Variants in ABCB1 observed in about 807,000 individuals in gnomAD.
ABCB1 encodes ATP binding cassette subfamily B member 1, also known as ATP-dependent translocase ABCB1.
ABCB1 carries 69 observed loss-of-function variants against 142.0 expected under a neutral mutation model. The observed-to-expected ratio is 0.49, with a 90% CI of 0.40 to 0.59. The LOEUF is 0.59. Among genes scored for constraint, ABCB1 ranks in the 20% least tolerant of loss-of-function variants. ABCB1 has a pLI of 0.00. For missense variants in ABCB1, 1,326 were observed against 1,554.7 expected, an observed-to-expected ratio of 0.85 and a Z score of 2.47; for synonymous variants, 532 against 539.2, an observed-to-expected ratio of 0.99 and a Z score of 0.18.
chr7:87,600,444 C>T (rs901875302), intron 1 of ABCB1, among the ~76,000 whole-genome samples: 4 of 152,206 alleles, frequency 2.6e-5, no homozygotes, highest in Non-Finnish European at 5.9e-5. Flanking sequence ...GCGATTCTCC[C>T]TCCCGGTTCC....
intron 5 of ABCB1, 58 bp from the exon 6 acceptor site, chr7:87,567,034 C>A: frequency 6.6e-7 from 1 of 1,505,070 alleles, no homozygotes; most frequent in East Asian, 2.3e-5. Flanking sequence ...TGTACCTTTT[C>A]CAAAGAGACC....
intron 4 of ABCB1, among the ~76,000 whole-genome samples, chr7:87,581,695 A>G (rs1411722887): frequency 3.3e-5 from 5 of 152,188 alleles, no homozygotes; most frequent in African/African-American, 1.2e-4. Flanking sequence ...AGCAACAGAG[A>G]AGGATCTGCT....
At chr7:87,546,419 T>G (rs534307706) in intron 14 of ABCB1, among the ~76,000 whole-genome samples, 4 of 152,092 alleles carry the variant, frequency 2.6e-5, no homozygotes, top group East Asian at 3.9e-4. Flanking sequence ...AAACCCCATC[T>G]CTACTAAAAA....
At chr7:87,628,101 G>C (rs914526541) in intron 1 of ABCB1, among the ~76,000 whole-genome samples, 1 of 152,182 alleles carries the variant, frequency 6.6e-6, no homozygotes, top group African/African-American at 2.4e-5. Flanking sequence ...GGTATCAGCC[G>C]TTAAAGCTTG....
At chr7:87,647,659 A>G (rs1823144448) in intron 1 of ABCB1, among the ~76,000 whole-genome samples, 1 of 152,162 alleles carries the variant, frequency 6.6e-6, no homozygotes, top group South Asian at 2.1e-4. Flanking sequence ...ACGTGGTTTC[A>G]ATTTGAATTA....
In ABCB1 at chr7:87,503,164, C is replaced by T. The variant is rs1814564114; in HGVS notation, c.*1079G>A. ...TGAGAATTACCTGATTATATCCTTT[C>T]CTATTTTTTTTTCCTGGAGGTGATG... On this transcript the variant is annotated 3_prime_UTR_variant, in exon 28 of 28. Transcript: ENST00000622132. 6.6e-6 allele frequency among the ~76,000 whole-genome samples: 1 copy of T among 151,452 alleles called. No individual in the cohort carries two copies. The highest frequency in any genetic ancestry group is 1.5e-5 in the Non-Finnish European group (1 of 67,782).
At chr7:87,616,487 C>T (rs1820036213) in intron 1 of ABCB1, among the ~76,000 whole-genome samples, 1 of 152,100 alleles carries the variant, frequency 6.6e-6, no homozygotes, top group Non-Finnish European at 1.5e-5. Context: ...GAGCTCTTGC[C>T]AAGCCATCAG....
intron 1 of ABCB1, chr7:87,709,196 A>C: frequency 2.1e-6 from 2 of 968,718 alleles, no homozygotes; most frequent in Non-Finnish European, 2.5e-6. Context: ...AAATTAATAA[A>C]TCAGGAAGCA....
At chr7:87,539,415 T>G in intron 18 of ABCB1, 70 bp from the exon 19 acceptor site, 2 of 1,475,892 alleles carry the variant, frequency 1.4e-6, no homozygotes, top group Non-Finnish European at 1.9e-6. Flanking sequence ...AATTGATGTC[T>G]TTGCTAAAGC....
At chr7:87,603,402 A>C (rs551676557), upstream of ABCB1, among the ~76,000 whole-genome samples, 1 of 152,218 alleles carries the variant, frequency 6.6e-6, no homozygotes, top group Admixed American at 6.5e-5. Flanking sequence ...ACTATCCTAC[A>C]CTGTAGTACA....
At chr7:87,560,366 A>G (rs1817507207) in intron 8 of ABCB1, among the ~76,000 whole-genome samples, 1 of 152,190 alleles carries the variant, frequency 6.6e-6, no homozygotes, top group Non-Finnish European at 1.5e-5. Flanking sequence ...CCAAACACAT[A>G]TGCACAGTTA....
intron 3 of ABCB1, among the ~76,000 whole-genome samples, chr7:87,589,849 GGAGAGAGA>G (rs142847127): frequency 9.2e-6 from 1 of 108,500 alleles, no homozygotes; most frequent in Non-Finnish European, 1.8e-5. Flanking sequence ...AGAGAGGGAG[GGAGAGAGA>G]GAGAGAGAGA....
At chr7:87,579,828 T>A (rs1314812316) in intron 4 of ABCB1, among the ~76,000 whole-genome samples, 1 of 152,194 alleles carries the variant, frequency 6.6e-6, no homozygotes, top group Non-Finnish European at 1.5e-5. Flanking sequence ...TGTTATTTTA[T>A]TTGAGGTTAC....
At chr7:87,689,763 T>C (rs749132495) in intron 1 of ABCB1, among the ~76,000 whole-genome samples, 5 of 152,284 alleles carry the variant, frequency 3.3e-5, no homozygotes, top group Admixed American at 6.5e-5. Context: ...AATCATTTTA[T>C]GGTATTGTTA....
Position 87,570,152 on chromosome 7 carries a change from T to C in ABCB1, c.338+20A>G, listed in dbSNP as rs202242143. 4.4e-6 allele frequency: 7 copies of C among 1,606,920 alleles called. No individual in the cohort carries two copies. The highest frequency in any genetic ancestry group is 5.1e-6 in the Non-Finnish European group (6 of 1,174,122). ...TGAATATAGAAAAACTTAACAATAG[T>C]AAGGAGAATGTCTAATTACCTGGTC... On this transcript the variant is annotated intron_variant, in intron 5 of 27. Coordinates refer to ENST00000622132, the MANE Select transcript of ABCB1 (RefSeq NM_001348946.2).
chr7:87,525,833 C>T (rs745656755), intron 21 of ABCB1, among the ~76,000 whole-genome samples: 3 of 152,080 alleles, frequency 2.0e-5, no homozygotes, highest in Non-Finnish European at 2.9e-5. Flanking sequence ...TGGTCTCTGT[C>T]TGACTTTTTC....
At chr7:87,573,128 C>T (rs780563441) in intron 4 of ABCB1, among the ~76,000 whole-genome samples, 1 of 152,138 alleles carries the variant, frequency 6.6e-6, no homozygotes, top group African/African-American at 2.4e-5. Context: ...GGAGGCCTCA[C>T]AATCATGGCA....
At chr7:87,700,443 T>C in intron 1 of ABCB1, 1 of 1,612,168 alleles carries the variant, frequency 6.2e-7, no homozygotes, top group East Asian at 2.2e-5. Flanking sequence ...GGTTTGGTTA[T>C]GAAAGTCCTC....
At chr7:87,638,080 T>A (rs1411154221) in intron 1 of ABCB1, among the ~76,000 whole-genome samples, 1 of 152,140 alleles carries the variant, frequency 6.6e-6, no homozygotes, top group African/African-American at 2.4e-5. Flanking sequence ...GTCTTTCAAG[T>A]AAACGTGATT....
Sources: allele counts gnomAD v4.1 joint callset (sites outside exome capture counted in the v4.1 genomes callset), GRCh38; gene constraint gnomAD v4.1.1; transcripts MANE v1.5; gene names NCBI Gene and HGNC (gene_info 2026-07-23, HGNC 2026-07-21).